The following HSD17B4 variants were observed in gnomAD, a reference collection of about 807,000 sequenced individuals.
The protein encoded by HSD17B4 is peroxisomal multifunctional enzyme type 2.
HSD17B4 carries 70 observed loss-of-function variants against 101.0 expected under a neutral mutation model. The observed-to-expected ratio is 0.69, with a 90% CI of 0.57 to 0.85. The LOEUF is 0.85. HSD17B4 is among the 40% of genes least tolerant of loss of function. The pLI, the probability that HSD17B4 is intolerant of heterozygous loss-of-function variation, is 0.00. For synonymous variants in HSD17B4, 347 were observed against 297.1 expected (o/e 1.17, Z -1.73); for missense variants, 984 against 892.4 (o/e 1.10, Z -1.31).
rs1753914603 is a variant in HSD17B4 at position 119,529,929 on chromosome 5, A to G, written c.1803A>G (p.Ala601=). 5.0e-6 allele frequency: 8 copies of G among 1,610,242 alleles called. No homozygotes were observed. Among genetic ancestry groups the G allele is most frequent in the Middle Eastern group, 1.7e-4 (1 of 6,044 alleles). The part of the protein sequence containing the change: ...QETGDIVISN[A]YVDLAPTSGT... ...CTGGAGACATTGTCATTTCAAATGC[A>G]TATGTGGATCTTGCACCAACATCTG... The change falls in exon 21 of 24, where the codon GCA becomes GCG. Residue 601 remains alanine, a synonymous_variant. Transcript: ENST00000510025.
chr5:119,466,601 C>T (rs764897864), intron 2 of HSD17B4, among the ~76,000 whole-genome samples: 9 of 152,120 alleles, frequency 5.9e-5, no homozygotes, highest in African/African-American at 9.6e-5. Context: ...TTGTAGTAGT[C>T]GTTAATGATC....
chr5:119,487,391 A>T (rs1233101022), intron 8 of HSD17B4: 1 of 151,870 alleles, frequency 6.6e-6, no homozygotes, highest in Non-Finnish European at 1.5e-5. Context: ...TGGAAGAAAC[A>T]CTGGGTTGAG....
chr5:119,453,537 A>G (rs536992266), intron 1 of HSD17B4, among the ~76,000 whole-genome samples: 1 of 152,328 alleles, frequency 6.6e-6, no homozygotes, highest in South Asian at 2.1e-4. Flanking sequence ...GGATCTTGAC[A>G]TTATGCACCT....
chr5:119,526,016 C>T lies in HSD17B4; in HGVS notation c.1673C>T (p.Ala558Val), dbSNP rs1753563371. Residue 558 changes from alanine (A) to valine (V), a missense_variant, in exon 19 of 24, where the codon GCA (alanine) becomes GTA (valine). By Grantham distance (64) the Ala-to-Val change is moderately conservative. Transcript: ENST00000510025. The stretch of plus-strand genomic sequence containing the variant: ...GATAATGATGTGTCAAGATTCAAGG[C>T]AATTAAGGTAAATGTGTATTACTAC... Reference protein sequence around the residue: ...FADNDVSRFKAIKARFAKPVY... With the variant: ...FADNDVSRFKVIKARFAKPVY... 1.3e-6 allele frequency: 2 copies of T among 1,552,536 alleles called. No homozygotes were observed. Among genetic ancestry groups the T allele is most frequent in the Non-Finnish European group, 1.8e-6 (2 of 1,124,162 alleles).
chr5:119,478,732 A>G (rs75814129), intron 7 of HSD17B4, 102 bp from the exon 8 acceptor site: 4 of 834,930 alleles, frequency 4.8e-6, no homozygotes, highest in South Asian at 2.7e-5. Flanking sequence ...GACAGTACAC[A>G]TAGTTGCTTT....
chr5:119,510,328 C>G (rs1005840094), intron 16 of HSD17B4, among the ~76,000 whole-genome samples: 3 of 152,072 alleles, frequency 2.0e-5, no homozygotes, highest in African/African-American at 7.2e-5. Context: ...ATTAAAGGAC[C>G]TAAGTATTTC....
At chr5:119,453,993 T>A (rs1438410930) in intron 1 of HSD17B4, among the ~76,000 whole-genome samples, 1 of 152,146 alleles carries the variant, frequency 6.6e-6, no homozygotes, top group Non-Finnish European at 1.5e-5. Context: ...TATCTGAAAA[T>A]CATTCAAGGA....
rs370055428 is a variant in HSD17B4, at chr5:119,499,499, T to C, written c.1155T>C (p.Ser385=). The C allele has an allele frequency of 1.2e-5, 19 of 1,613,764 alleles. No homozygotes were observed. Among genetic ancestry groups the C allele is most frequent in the Middle Eastern group, 3.3e-4 (2 of 6,082 alleles). The change falls in exon 13 of 24, where the codon TCT becomes TCC. Residue 385 remains serine, a synonymous_variant. Coordinates refer to ENST00000510025, the MANE Select transcript of HSD17B4 (RefSeq NM_000414.4). ...TCGGAGTTATCATAGGTCAGAAATC[T>C]ATGATGGGTGGAGGATTAGCAGAAA... ...PTFGVIIGQK[S]MMGGGLAEIP... is the part of the protein sequence containing the mutation.
At chr5:119,505,840 C>A (rs904088277) in intron 14 of HSD17B4, among the ~76,000 whole-genome samples, 1 of 151,554 alleles carries the variant, frequency 6.6e-6, no homozygotes, top group Non-Finnish European at 1.5e-5. Flanking sequence ...TGGTTGTATG[C>A]TCAACAAATG....
intron 23 of HSD17B4, among the ~76,000 whole-genome samples, chr5:119,539,352 C>T (rs1216930694): frequency 6.6e-6 from 1 of 150,590 alleles, no homozygotes; most frequent in Non-Finnish European, 1.5e-5. Flanking sequence ...AACCAAACAC[C>T]GCATGTTCTC....
chr5:119,542,112 TTCAGATA>T lies in HSD17B4; in HGVS notation c.*126_*132del. On this transcript the variant is annotated 3_prime_UTR_variant, in exon 24 of 24. Coordinates refer to ENST00000510025, the MANE Select transcript of HSD17B4 (RefSeq NM_000414.4). The stretch of plus-strand genomic sequence containing the variant: ...GATGCAGGGGAAATTGCTTAACATT[TTCAGATA>T]TCAGATAACTGCAGATTTTCATTTT... 1.4e-6 allele frequency: 1 copy of T among 726,500 alleles called. No individual in the cohort carries two copies. Among genetic ancestry groups the T allele is most frequent in the Non-Finnish European group, 2.5e-6 (1 of 403,624 alleles). 45.0% of individuals were successfully genotyped at this position (726,500 alleles called of 1,614,324 possible).
chr5:119,489,335 T>G, intron 9 of HSD17B4, 52 bp downstream of exon 9: 1 of 1,183,982 alleles, frequency 8.4e-7, no homozygotes, highest in Non-Finnish European at 1.3e-6. Flanking sequence ...TTGCTTACAT[T>G]TGTAAAAATC....
At position 119,456,334 on chromosome 5, in the gene HSD17B4, C is replaced by A; in HGVS notation, c.78C>A (p.Ala26=). Residue 26 remains alanine (A), a synonymous_variant, in exon 2 of 24, where the codon GCC becomes GCA. Coordinates refer to ENST00000510025, the MANE Select transcript of HSD17B4 (RefSeq NM_000414.4). ...GATTAGGATTGGGCCGAGCCTATGC[C>A]CTGGCTTTTGCAGAAAGAGGAGCGT... ...GAGAGLGRAY[A]LAFAERGALV... is the part of the protein sequence containing the mutation. 1 of 1,611,710 alleles carries A rather than the reference C, an allele frequency of 6.2e-7. No homozygotes were observed.
rs532015115 is a variant in HSD17B4 at position 119,502,409 on chromosome 5, T to C, written c.1261+317T>C. On this transcript the variant is annotated intron_variant, in intron 14 of 23. Transcript: ENST00000510025. Reference sequence around the variant, plus strand: ...TGCATATAATCTGTTATGGTTCTTATGATTATTGTTCTTTTCTCAGGTATT... The same window carrying C: ...TGCATATAATCTGTTATGGTTCTTACGATTATTGTTCTTTTCTCAGGTATT... Among the ~76,000 whole-genome samples, 7 of 152,306 alleles carry C rather than the reference T, an allele frequency of 4.6e-5. No individual in the cohort carries two copies. In the South Asian group the frequency reaches 1.0e-3, roughly 23 times the overall value.
chr5:119,452,783 G>A (rs891333978), intron 1 of HSD17B4, 150 bp downstream of exon 1: 9 of 1,549,318 alleles, frequency 5.8e-6, no homozygotes, highest in Non-Finnish European at 7.8e-6. Flanking sequence ...CGCATCTCTT[G>A]AGGAGGAAAG....
chr5:119,492,216 G>A, intron 10 of HSD17B4, 92 bp downstream of exon 10: 2 of 914,186 alleles, frequency 2.2e-6, no homozygotes, highest in South Asian at 2.6e-5. Context: ...TTTGTCAAAT[G>A]CCTAACCATT....
chr5:119,529,869 CTTT>C, intron 20 of HSD17B4, 22 bp from the exon 21 acceptor site: 1 of 1,252,756 alleles, frequency 8.0e-7, no homozygotes, highest in Non-Finnish European at 1.1e-6. Flanking sequence ...CAGAATAAAT[CTTT>C]TTTTTTTCTT....
At position 119,493,965 on chromosome 5, in the gene HSD17B4, A is replaced by G; in HGVS notation, c.868+19A>G. ...ATCCAAGGTAAAGAGAGTCCCCGTC[A>G]CTTAGCCCTGGTTGGGGAATCAGAG... On this transcript the variant is annotated intron_variant, in intron 11 of 23. Transcript: ENST00000510025. 1.2e-6 allele frequency: 2 copies of G among 1,612,508 alleles called. No homozygotes were observed. The highest frequency in any genetic ancestry group is 1.7e-6 in the Non-Finnish European group (2 of 1,178,920).
rs776251160 is a variant in HSD17B4 at position 119,489,268 on chromosome 5, T to C, written c.699T>C (p.Asn233=). The C allele has an allele frequency of 3.1e-6, 5 of 1,611,598 alleles. No homozygotes were observed. The East Asian group carries it at 8.9e-5, about 29-fold the overall frequency. The change falls in exon 9 of 24, where the codon AAT becomes AAC. Residue 233 remains asparagine, a synonymous_variant. Transcript: ENST00000510025. ...TTTGTCACGAGAGTTGTGAGGAGAA[T>C]GGTGGCTTGTTTGAGGTATTTGCAC... ...LWLCHESCEE[N]GGLFEVGAGW...
Sources: allele counts gnomAD v4.1 joint callset (sites outside exome capture counted in the v4.1 genomes callset), GRCh38; gene constraint gnomAD v4.1.1; transcripts MANE v1.5; gene names NCBI Gene and HGNC (gene_info 2026-07-23, HGNC 2026-07-21).